The following DPP4 variants were observed in gnomAD, a reference collection of about 807,000 sequenced individuals.
The protein encoded by DPP4 is dipeptidyl peptidase 4, also known as ADCP-2.
Under a neutral mutation model 122.4 loss-of-function variants are expected in DPP4, and 93 were observed. The observed-to-expected ratio is 0.76, with a 90% CI of 0.64 to 0.90. The LOEUF is 0.90. DPP4 is among the 40% of genes least tolerant of loss of function. The pLI is 0.00. For synonymous variants in DPP4, 321 were observed against 302.9 expected (o/e 1.06, Z -0.62); for missense variants, 914 against 907.3 (o/e 1.01, Z -0.09).
rs57878632 is a variant in DPP4 at position 162,009,513 on chromosome 2, T to TTGTGTGTGTGTG, written c.1833-230_1833-219dup. ...TTACTTTTGTTGGAGTTCATAAAAATTGTGTGTGTGTGTGTGTGTGTGTGT... is the reference window on the plus strand; with the variant it reads ...TTACTTTTGTTGGAGTTCATAAAAATTGTGTGTGTGTGTGTGTGTGTGTGTGTGTGTGTGTGT... On this transcript the variant is annotated intron_variant, in intron 20 of 25. Transcript: ENST00000360534. 1.2e-3 allele frequency among the ~76,000 whole-genome samples: 170 copies of TTGTGTGTGTGTG among 144,380 alleles called. 1 individual carries two copies. Among genetic ancestry groups the TTGTGTGTGTGTG allele is most frequent in the East Asian group, 7.0e-3 (34 of 4,840 alleles). The allele number at this position is 144,380 out of a possible 152,430, so 94.7% of individuals were successfully genotyped here.
rs200168688 is a variant in DPP4, at chr2:162,035,185, A to G, written c.753T>C (p.Thr251=). The G allele has an allele frequency of 1.9e-6, 3 of 1,613,616 alleles. No individual in the cohort carries two copies. Among genetic ancestry groups the G allele is most frequent in the Middle Eastern group, 1.6e-4 (1 of 6,082 alleles). The change falls in exon 9 of 26, where the codon ACT becomes ACC. Residue 251 remains threonine (T), a synonymous_variant. Coordinates refer to ENST00000360534, the MANE Select transcript of DPP4 (RefSeq NM_001935.4). ...AGACCTTTGGATATGGAACCCGTAC[A>G]GTCTTTGGGTACTGCAGTGACTCAT... ...YSDESLQYPK[T]VRVPYPKAGA...
At chr2:162,052,653 C>T (rs1278247345) in intron 2 of DPP4, among the ~76,000 whole-genome samples, 2 of 152,068 alleles carry the variant, frequency 1.3e-5, no homozygotes, top group African/African-American at 2.4e-5. Flanking sequence ...TGGCTTGGAA[C>T]TGGGTAATGG....
chr2:162,071,737 G>T (rs1685125238), intron 2 of DPP4, among the ~76,000 whole-genome samples: 1 of 152,158 alleles, frequency 6.6e-6, no homozygotes, highest in Non-Finnish European at 1.5e-5. Context: ...ATTTCATTTG[G>T]AGAAGATACC....
Position 162,035,153 on chromosome 2 carries a change from G to T in DPP4, c.774+11C>A. On this transcript the variant is annotated intron_variant, in intron 9 of 25. Coordinates refer to ENST00000360534, the MANE Select transcript of DPP4 (RefSeq NM_001935.4). ...AAATCATGGAACCACTGTACAAACAGGAGCACAGACCTTTGGATATGGAAC... is the reference window on the plus strand; with the variant it reads ...AAATCATGGAACCACTGTACAAACATGAGCACAGACCTTTGGATATGGAAC... 6.2e-7 allele frequency: 1 copy of T among 1,608,164 alleles called. No individual in the cohort carries two copies. The highest frequency in any genetic ancestry group is 1.1e-5 in the South Asian group (1 of 89,848).
intron 2 of DPP4, among the ~76,000 whole-genome samples, chr2:162,053,347 A>T (rs1222661805): frequency 6.6e-6 from 1 of 152,146 alleles, no homozygotes; most frequent in Non-Finnish European, 1.5e-5. Context: ...GGGGTGTCCA[A>T]TGTTTTGGTT....
At chr2:162,022,865 T>C in intron 11 of DPP4, 66 bp from the exon 12 acceptor site, 1 of 1,515,838 alleles carries the variant, frequency 6.6e-7, no homozygotes, top group East Asian at 2.3e-5. Context: ...TAGCCATAAT[T>C]TGTGGTAATA....
rs367751648 is a variant in DPP4 at position 161,995,901 on chromosome 2, C to T, written c.2053-529G>A. 2.6e-5 allele frequency among the ~76,000 whole-genome samples: 4 copies of T among 152,096 alleles called. No homozygotes were observed. The East Asian group carries it at 7.7e-4, about 29-fold the overall frequency. On this transcript the variant is annotated intron_variant, in intron 23 of 25. Transcript: ENST00000360534. ...GCTCTGAATGAAAAGCAAATATTAC[C>T]TCTTTGGGAACAGATGTTAAAAACC...
At chr2:162,066,897 CT>C (rs1181036578) in intron 2 of DPP4, among the ~76,000 whole-genome samples, 1 of 152,182 alleles carries the variant, frequency 6.6e-6, no homozygotes, top group Non-Finnish European at 1.5e-5. Context: ...TCACTCACCC[CT>C]GTGGGAGGGC....
intron 23 of DPP4, among the ~76,000 whole-genome samples, chr2:161,996,958 A>G (rs141797204): frequency 1.3e-5 from 2 of 152,360 alleles, no homozygotes; most frequent in African/African-American, 2.4e-5. Flanking sequence ...ACTAAGAGGC[A>G]TAGCAAAAGC....
chr2:162,004,456 C>G (rs1276125106), intron 23 of DPP4, among the ~76,000 whole-genome samples: 1 of 152,092 alleles, frequency 6.6e-6, no homozygotes, highest in Non-Finnish European at 1.5e-5. Context: ...AATTATGGGA[C>G]TGTTTTGCAG....
At chr2:162,038,856 T>A in intron 7 of DPP4, 93 bp downstream of exon 7, 1 of 1,104,064 alleles carries the variant, frequency 9.1e-7, no homozygotes, top group African/African-American at 1.5e-5. Flanking sequence ...AGTATTGAGT[T>A]CCTAAGATGT....
intron 25 of DPP4, among the ~76,000 whole-genome samples, 161 bp downstream of exon 25, chr2:161,994,800 G>T (rs1243456495): frequency 6.6e-6 from 1 of 152,064 alleles, no homozygotes; most frequent in Non-Finnish European, 1.5e-5. Context: ...ATTACTCTGT[G>T]CATGGCTGAA....
intron 2 of DPP4, among the ~76,000 whole-genome samples, chr2:162,067,235 G>T (rs1407558112): frequency 6.6e-6 from 1 of 152,102 alleles, no homozygotes; most frequent in Non-Finnish European, 1.5e-5. Flanking sequence ...GAGCAGGGTG[G>T]GCTTTAGAAC....
intron 2 of DPP4, among the ~76,000 whole-genome samples, chr2:162,067,249 T>A (rs1684978806): frequency 6.6e-6 from 1 of 152,064 alleles, no homozygotes; most frequent in African/African-American, 2.4e-5. Context: ...TTAGAACAAC[T>A]GAGGAAAACA....
In DPP4 at chr2:162,016,847, G is replaced by A. The variant is rs1484695775; in HGVS notation, c.1488C>T (p.Asp496=). 3 of 1,612,038 alleles carry A rather than the reference G, an allele frequency of 1.9e-6. No homozygotes were observed. In the African/African-American group the frequency reaches 4.0e-5, roughly 22 times the overall value. The part of the protein sequence containing the change: ...VNDKGLRVLE[D]NSALDKMLQN... ...GCAGCATTTTATCCAAAGCTGAATTGTCTTCCAGGACTCTCAGCCCTAAAG... is the reference window on the plus strand; with the variant it reads ...GCAGCATTTTATCCAAAGCTGAATTATCTTCCAGGACTCTCAGCCCTAAAG... Residue 496 remains aspartate, a synonymous_variant, in exon 18 of 26, where the codon GAC becomes GAT. Coordinates refer to ENST00000360534, the MANE Select transcript of DPP4 (RefSeq NM_001935.4).
intron 2 of DPP4, among the ~76,000 whole-genome samples, chr2:162,051,849 A>G (rs1684394006): frequency 6.6e-6 from 1 of 152,246 alleles, no homozygotes. Flanking sequence ...TTTGAATCAG[A>G]GAGCCTGGAT....
intron 10 of DPP4, among the ~76,000 whole-genome samples, chr2:162,030,931 A>G (rs1297159806): frequency 6.6e-6 from 1 of 152,228 alleles, no homozygotes; most frequent in Non-Finnish European, 1.5e-5. Flanking sequence ...CATAAGGCCA[A>G]AAATCCGTCC....
Position 162,016,795 on chromosome 2 carries a change from G to GT in DPP4, c.1539dup (p.Leu514ThrfsTer8). On this transcript the variant is annotated frameshift_variant, in exon 18 of 26. Transcript: ENST00000360534. LOFTEE classifies it high-confidence loss of function. ...GTTTCATTCAAAATAATGAAGTCCAGTTTTTTGGAGGGCATCTGGACATTC... is the reference window on the plus strand; with the variant it reads ...GTTTCATTCAAAATAATGAAGTCCAGTTTTTTTGGAGGGCATCTGGACATTC... 1 of 1,612,562 alleles carries GT rather than the reference G, an allele frequency of 6.2e-7. No homozygotes were observed. The highest frequency in any genetic ancestry group is 8.5e-7 in the Non-Finnish European group (1 of 1,179,634).
At chr2:161,996,144 G>T (rs1035060341) in intron 23 of DPP4, among the ~76,000 whole-genome samples, 2 of 152,194 alleles carry the variant, frequency 1.3e-5, no homozygotes, top group African/African-American at 4.8e-5. Flanking sequence ...CTCCTAGAAT[G>T]AGGGTCAGGA....
Sources: gnomAD v4.1 joint callset for allele counts (sites outside exome capture counted in the v4.1 genomes callset) on GRCh38, gnomAD v4.1.1 for gene constraint, MANE v1.5 for transcripts, NCBI Gene and HGNC (gene_info 2026-07-23, HGNC 2026-07-21) for gene names.